Variants in MS4A13 observed in about 807,000 individuals in gnomAD.
The protein encoded by MS4A13 is membrane-spanning 4-domains subfamily A member 13.
MS4A13 carries 21 observed loss-of-function variants against 18.4 expected under a neutral mutation model. That is an observed-to-expected ratio of 1.14 (90% confidence interval 0.81 to 1.64). MS4A13 has a LOEUF of 1.64. MS4A13 is among the 40% of genes most tolerant of loss of function. The pLI, the probability that MS4A13 is intolerant of heterozygous loss-of-function variation, is 0.00. For missense variants in MS4A13, 173 were observed against 176.8 expected, an observed-to-expected ratio of 0.98 and a Z score of 0.12; for synonymous variants, 62 against 57.2, an observed-to-expected ratio of 1.08 and a Z score of -0.38.
chr11:60,541,752 A>ATAAAAGTT (rs1447867615), intron 6 of MS4A13, among the ~76,000 whole-genome samples: 1 of 152,184 alleles, frequency 6.6e-6, no homozygotes, highest in African/African-American at 2.4e-5. Flanking sequence ...TATTTTTATT[A>ATAAAAGTT]TAAAAGTTTG....
intron 6 of MS4A13, among the ~76,000 whole-genome samples, chr11:60,532,127 A>G (rs1471523462): frequency 1.3e-5 from 2 of 152,268 alleles, no homozygotes; most frequent in Non-Finnish European, 2.9e-5. Flanking sequence ...GTTGGACTTA[A>G]CAAAGAAAGG....
chr11:60,518,361 T>C, intron 3 of MS4A13, 149 bp downstream of exon 3: 1 of 649,850 alleles, frequency 1.5e-6, no homozygotes, highest in Non-Finnish European at 2.5e-6. Context: ...GTCAGATTCC[T>C]TTTTTCAACA....
intron 4 of MS4A13, 122 bp downstream of exon 4, chr11:60,524,075 A>G (rs12284816): frequency 0.17 from 98,167 of 587,970 alleles, 9,293 homozygotes; most frequent in Admixed American, 0.28. Flanking sequence ...AGTAAATGAA[A>G]GAATTAAGAA....
intron 6 of MS4A13, among the ~76,000 whole-genome samples, chr11:60,533,116 T>C (rs1358383848): frequency 1.8e-5 from 2 of 108,482 alleles, no homozygotes; most frequent in African/African-American, 7.2e-5. Context: ...GCAGAGCGCC[T>C]CTCCTCCTCC....
intron 6 of MS4A13, among the ~76,000 whole-genome samples, chr11:60,540,948 C>T (rs1300917401): frequency 1.2e-4 from 16 of 136,514 alleles, no homozygotes; most frequent in Admixed American, 1.0e-3. Context: ...GAGTAAAACC[C>T]TATCTCACAA....
chr11:60,529,484 C>A (rs1475917403), intron 6 of MS4A13, 24 bp downstream of exon 6: 5 of 1,381,800 alleles, frequency 3.6e-6, no homozygotes, highest in African/African-American at 2.9e-5. Context: ...CACTCTCTGG[C>A]AAATCAAAAG....
intron 6 of MS4A13, among the ~76,000 whole-genome samples, chr11:60,532,325 C>T (rs868828287): frequency 1.2e-4 from 19 of 152,276 alleles, no homozygotes; most frequent in African/African-American, 2.4e-4. Flanking sequence ...GCACCGTGCG[C>T]GAGCCGAAGC....
At chr11:60,526,912 A>T (rs2086717273) in intron 5 of MS4A13, among the ~76,000 whole-genome samples, 1 of 152,176 alleles carries the variant, frequency 6.6e-6, no homozygotes, top group Non-Finnish European at 1.5e-5. Context: ...AAGTTTCTTA[A>T]CTTAACTGTT....
At chr11:60,539,957 A>T (rs1463787659) in intron 6 of MS4A13, among the ~76,000 whole-genome samples, 1 of 152,282 alleles carries the variant, frequency 6.6e-6, no homozygotes, top group East Asian at 1.9e-4. Context: ...GAAGTTCTTT[A>T]GACTGAAGTG....
intron 5 of MS4A13, 127 bp downstream of exon 5, chr11:60,525,453 C>T: frequency 3.6e-6 from 2 of 562,414 alleles, no homozygotes; most frequent in South Asian, 5.2e-5. Flanking sequence ...GTTGTGAGCT[C>T]TTGATTGAAA....
At chr11:60,527,402 CTCTCTCTCTGTGTG>C (rs2086724805) in intron 5 of MS4A13, among the ~76,000 whole-genome samples, 3 of 81,576 alleles carry the variant, frequency 3.7e-5, no homozygotes, top group African/African-American at 1.1e-4. Context: ...CTCTCTCTCT[CTCTCTCTCTGTGTG>C]TGTGTGTGTG....
intron 6 of MS4A13, among the ~76,000 whole-genome samples, chr11:60,540,540 G>A (rs908807706): frequency 6.6e-6 from 1 of 152,182 alleles, no homozygotes; most frequent in Non-Finnish European, 1.5e-5. Flanking sequence ...ATCTGAAGTA[G>A]ACTGTGATAA....
At position 60,523,940 on chromosome 11, in the gene MS4A13, C is replaced by T. The variant is rs6591595; in HGVS notation, c.173C>T (p.Pro58Leu). Reference protein sequence around the residue: ...GVFLIRVTKYPTRSGIISTLI... With the variant: ...GVFLIRVTKYLTRSGIISTLI... The stretch of plus-strand genomic sequence containing the variant: ...TTCCTAATAAGAGTAACAAAGTATC[C>T]GACTCGATCTGGAGTAAGTTGAAAT... Residue 58 changes from proline to leucine, a missense_variant, in exon 4 of 7, where the codon CCG becomes CTG. By Grantham distance (98) the Pro-to-Leu change is moderately conservative. Transcript: ENST00000378186. 0.85 allele frequency: 1,288,490 copies of T among 1,522,516 alleles called. 549,556 individuals carry two copies. The highest frequency in any genetic ancestry group is 0.88 in the Non-Finnish European group (962,324 of 1,099,012). 94.3% of individuals were successfully genotyped at this position (1,522,516 alleles called of 1,614,324 possible).
intron 6 of MS4A13, 91 bp from the exon 7 acceptor site, chr11:60,542,428 T>C: frequency 2.5e-6 from 2 of 785,924 alleles, no homozygotes; most frequent in Non-Finnish European, 4.1e-6. Flanking sequence ...AATATCAGTA[T>C]TACCTGTATT....
Position 60,518,151 on chromosome 11 carries a change from G to GAA in MS4A13, c.69_70insAA (p.Ala24LysfsTer9). On this transcript the variant is annotated frameshift_variant, in exon 3 of 7. Transcript: ENST00000378186. LOFTEE classifies it high-confidence loss of function. The stretch of plus-strand genomic sequence containing the variant: ...GTTTTGTATATGGGACAAATTAAAG[G>GAA]AGCCTTTGGAACGTATGAACCTGTA... The GAA allele has an allele frequency of 6.2e-7, 1 of 1,612,048 alleles. No homozygotes were observed. Among genetic ancestry groups the GAA allele is most frequent in the Non-Finnish European group, 8.5e-7 (1 of 1,178,640 alleles).
rs541112157 is a variant in MS4A13, at chr11:60,517,007, TA to T, written c.-13+936del. Among the ~76,000 whole-genome samples the T allele has an allele frequency of 7.2e-4, 97 of 134,560 alleles. 1 individual carries two copies. The highest frequency in any genetic ancestry group is 3.5e-3 in the East Asian group (16 of 4,608). The allele number at this position is 134,560 out of a possible 152,430, so 88.3% of individuals were successfully genotyped here. A position where few individuals can be genotyped will look rare whatever the true frequency, so the allele number is the denominator to read the frequency against. On this transcript the variant is annotated intron_variant, in intron 2 of 6. Coordinates refer to ENST00000378186, the MANE Select transcript of MS4A13 (RefSeq NM_001012417.3). ...ATATTAGAGGCTGGTGATAAAACAA[TA>T]AAAAAAAAAAAACTCCAGGCCCTAA...
At chr11:60,539,762 G>T (rs529072631) in intron 6 of MS4A13, among the ~76,000 whole-genome samples, 1 of 152,266 alleles carries the variant, frequency 6.6e-6, no homozygotes, top group East Asian at 1.9e-4. Flanking sequence ...TAAACAGCTG[G>T]GTTCTCATCC....
At position 60,537,979 on chromosome 11, in the gene MS4A13, A is replaced by C. The variant is rs2086820803; in HGVS notation, c.403-4540A>C. Among the ~76,000 whole-genome samples the C allele has an allele frequency of 2.3e-5, 3 of 127,812 alleles. No individual in the cohort carries two copies. In the Admixed American group the frequency reaches 2.7e-4, roughly 11 times the overall value. The allele number at this position is 127,812 out of a possible 152,430, so 83.8% of individuals were successfully genotyped here. On this transcript the variant is annotated intron_variant, in intron 6 of 6. Coordinates refer to ENST00000378186, the MANE Select transcript of MS4A13 (RefSeq NM_001012417.3). ...ACTCATAGGTGGGAATTGAACAATG[A>C]GATCACATGGACACAGGAAGGGGAA... is the stretch of plus-strand genomic sequence containing the variant.
intron 5 of MS4A13, among the ~76,000 whole-genome samples, chr11:60,528,166 C>T (rs2086734528): frequency 6.8e-6 from 1 of 146,654 alleles, no homozygotes; most frequent in African/African-American, 2.5e-5. Flanking sequence ...TGTATTTTAG[C>T]TTTACTCTAC....
Sources: allele counts gnomAD v4.1 joint callset (sites outside exome capture counted in the v4.1 genomes callset), GRCh38; gene constraint gnomAD v4.1.1; transcripts MANE v1.5; gene names NCBI Gene and HGNC (gene_info 2026-07-23, HGNC 2026-07-21).